Variants in SPOCK1 observed in about 807,000 individuals in gnomAD.
The protein encoded by SPOCK1 is testican-1.
A neutral mutation model predicts 55.3 loss-of-function variants in SPOCK1; 23 were observed. The observed-to-expected ratio is 0.42, with a 90% CI of 0.30 to 0.59. SPOCK1 has a LOEUF of 0.59. Among genes scored for constraint, SPOCK1 ranks in the 20% least tolerant of loss-of-function variants. SPOCK1 has a pLI of 0.22. For synonymous variants in SPOCK1, 226 were observed against 221.0 expected, an observed-to-expected ratio of 1.02 and a Z score of -0.20; for missense variants, 499 against 552.5, an observed-to-expected ratio of 0.90 and a Z score of 0.97.
chr5:137,066,987 C>CACACACACACACAGAGAGAGAGAGAG (rs1343691789), intron 6 of SPOCK1, among the ~76,000 whole-genome samples: 11 of 139,656 alleles, frequency 7.9e-5, no homozygotes, highest in South Asian at 2.4e-4. Context: ...CACACACACA[C>CACACACACACACAGAGAGAGAGAGAG]AGAGAGAGAG....
chr5:137,016,188 C>A (rs1030901577), intron 6 of SPOCK1, among the ~76,000 whole-genome samples: 3 of 152,184 alleles, frequency 2.0e-5, no homozygotes, highest in African/African-American at 7.2e-5. Context: ...ACCTCTGGAC[C>A]TTTACAAACA....
intron 3 of SPOCK1, among the ~76,000 whole-genome samples, chr5:137,155,918 T>A (rs560476281): frequency 6.6e-6 from 1 of 152,324 alleles, no homozygotes; most frequent in East Asian, 1.9e-4. Flanking sequence ...GTTTCTCTCA[T>A]TGGAAGCCAA....
At chr5:137,341,022 G>T (rs114011772) in intron 2 of SPOCK1, among the ~76,000 whole-genome samples, 2 of 152,082 alleles carry the variant, frequency 1.3e-5, no homozygotes, top group Non-Finnish European at 2.9e-5. Context: ...ACCCCTCCAC[G>T]GGACCATAGG....
intron 3 of SPOCK1, among the ~76,000 whole-genome samples, chr5:137,165,914 A>C (rs1406386650): frequency 6.6e-6 from 1 of 151,802 alleles, no homozygotes; most frequent in Non-Finnish European, 1.5e-5. Context: ...TAAAAGATCT[A>C]AAAAAAATAG....
intron 6 of SPOCK1, among the ~76,000 whole-genome samples, chr5:137,019,773 C>G (rs1751531979): frequency 2.6e-5 from 4 of 151,794 alleles, no homozygotes; most frequent in African/African-American, 9.7e-5. Context: ...ACAGACAGGA[C>G]TTCTGAAGTG....
intron 2 of SPOCK1, among the ~76,000 whole-genome samples, chr5:137,323,783 T>C (rs1758023591): frequency 6.6e-6 from 1 of 152,130 alleles, no homozygotes; most frequent in South Asian, 2.1e-4. Context: ...AATACGATAT[T>C]ACCTCAACCT....
intron 3 of SPOCK1, among the ~76,000 whole-genome samples, chr5:137,170,618 TCTC>T (rs1754739055): frequency 6.6e-6 from 1 of 150,660 alleles, no homozygotes; most frequent in Non-Finnish European, 1.5e-5. Context: ...TCTCTCTCTC[TCTC>T]TGTGGACACT....
rs570477279 is a variant in SPOCK1, at chr5:137,132,712, G to C, written c.347+7868C>G. Among the ~76,000 whole-genome samples, 8 of 152,156 alleles carry C rather than the reference G, an allele frequency of 5.3e-5. No homozygotes were observed. The South Asian group carries it at 1.7e-3, about 32-fold the overall frequency. ...TCTCCATCTCCTACAGATAAAACAT[G>C]GCTCAAAAAAAAGATGGTGATCCAG... On this transcript the variant is annotated intron_variant, in intron 4 of 10. Coordinates refer to ENST00000394945, the MANE Select transcript of SPOCK1 (RefSeq NM_004598.4).
intron 2 of SPOCK1, among the ~76,000 whole-genome samples, chr5:137,407,519 T>C (rs1266738280): frequency 6.6e-6 from 1 of 152,154 alleles, no homozygotes; most frequent in Non-Finnish European, 1.5e-5. Flanking sequence ...CATTCGGTAG[T>C]GACCCAGGAA....
At chr5:137,259,954 T>G (rs1756715248) in intron 3 of SPOCK1, among the ~76,000 whole-genome samples, 1 of 152,242 alleles carries the variant, frequency 6.6e-6, no homozygotes, top group South Asian at 2.1e-4. Context: ...CATAACTCAT[T>G]AGCCAAACTG....
intron 2 of SPOCK1, among the ~76,000 whole-genome samples, chr5:137,419,284 G>C (rs1752429167): frequency 2.6e-5 from 4 of 152,142 alleles, no homozygotes; most frequent in Admixed American, 1.3e-4. Flanking sequence ...GGAAATGCAG[G>C]CTCTTTTTTG....
intron 2 of SPOCK1, among the ~76,000 whole-genome samples, chr5:137,299,152 C>T (rs975641408): frequency 3.3e-5 from 5 of 151,992 alleles, no homozygotes; most frequent in Admixed American, 1.3e-4. Context: ...TTTTTAGTAA[C>T]TGATATGATG....
intron 2 of SPOCK1, among the ~76,000 whole-genome samples, chr5:137,301,400 T>C (rs1010247049): frequency 3.3e-5 from 5 of 152,218 alleles, no homozygotes; most frequent in Admixed American, 6.5e-5. Flanking sequence ...AAACTATTTT[T>C]GGGCAGGATG....
intron 4 of SPOCK1, among the ~76,000 whole-genome samples, chr5:137,135,278 T>C (rs532828258): frequency 2.0e-5 from 3 of 152,316 alleles, no homozygotes; most frequent in East Asian, 3.9e-4. Flanking sequence ...GTAAAATCAA[T>C]GTTCAGCACT....
At chr5:137,371,313 C>T (rs576282502) in intron 2 of SPOCK1, among the ~76,000 whole-genome samples, 1 of 152,298 alleles carries the variant, frequency 6.6e-6, no homozygotes, top group South Asian at 2.1e-4. Context: ...CAGCACTTGC[C>T]TTGGAGGGCT....
intron 2 of SPOCK1, among the ~76,000 whole-genome samples, chr5:137,473,319 G>C: frequency 6.6e-6 from 1 of 152,162 alleles, no homozygotes; most frequent in Non-Finnish European, 1.5e-5. Context: ...GCTATAAGCT[G>C]TTTCCATGTA....
chr5:137,033,182 G>A (rs1285475833), intron 6 of SPOCK1, among the ~76,000 whole-genome samples: 1 of 152,204 alleles, frequency 6.6e-6, no homozygotes, highest in Non-Finnish European at 1.5e-5. Flanking sequence ...CTGGGTGAGG[G>A]TGGAGCAGCT....
At chr5:137,371,508 G>T (rs1751202297) in intron 2 of SPOCK1, among the ~76,000 whole-genome samples, 2 of 152,204 alleles carry the variant, frequency 1.3e-5, no homozygotes, top group Non-Finnish European at 2.9e-5. Flanking sequence ...AAAGCAGTTT[G>T]CAGTGAGCAG....
chr5:137,264,772 C>T (rs1399772100), intron 3 of SPOCK1, among the ~76,000 whole-genome samples: 5 of 152,242 alleles, frequency 3.3e-5, no homozygotes, highest in African/African-American at 9.6e-5. Context: ...GTGGTGTCAG[C>T]GCTGACAGAG....
Sources: gnomAD v4.1 joint callset for allele counts (sites outside exome capture counted in the v4.1 genomes callset) on GRCh38, gnomAD v4.1.1 for gene constraint, MANE v1.5 for transcripts, NCBI Gene and HGNC (gene_info 2026-07-23, HGNC 2026-07-21) for gene names.